MTR: variants seen among roughly 807,000 people sequenced by gnomAD.
The protein encoded by MTR is methionine synthase.
MTR carries 84 observed loss-of-function variants against 154.8 expected under a neutral mutation model. The observed-to-expected ratio is 0.54, with a 90% CI of 0.45 to 0.65. MTR has a LOEUF of 0.65. Ranked by LOEUF, MTR falls within the 30% of genes least tolerant of loss-of-function variation. The pLI is 0.00. For missense variants in MTR, 1,275 were observed against 1,570.2 expected, an observed-to-expected ratio of 0.81 and a Z score of 3.18; for synonymous variants, 554 against 553.9, an observed-to-expected ratio of 1.00 and a Z score of 0.00.
intron 22 of MTR, among the ~76,000 whole-genome samples, chr1:236,866,645 T>C (rs1372708582): frequency 6.6e-6 from 1 of 152,190 alleles, no homozygotes; most frequent in Non-Finnish European, 1.5e-5. Flanking sequence ...TTGCACCAAA[T>C]AGCACAGTTT....
intron 15 of MTR, among the ~76,000 whole-genome samples, chr1:236,841,722 AT>A (rs1663248292): frequency 6.6e-6 from 1 of 151,604 alleles, no homozygotes; most frequent in Non-Finnish European, 1.5e-5. Context: ...GGCAGTAAAT[AT>A]TTTTGAAACC....
At chr1:236,878,524 G>A (rs1665556081) in intron 24 of MTR, among the ~76,000 whole-genome samples, 1 of 151,936 alleles carries the variant, frequency 6.6e-6, no homozygotes, top group African/African-American at 2.4e-5. Flanking sequence ...GTGCAGGAGT[G>A]TCCAGTCTTT....
At chr1:236,811,289 G>A (rs1477174332) in intron 5 of MTR, among the ~76,000 whole-genome samples, 4 of 152,040 alleles carry the variant, frequency 2.6e-5, no homozygotes, top group South Asian at 2.1e-4. Flanking sequence ...CACAACACGC[G>A]GGAATTCAAG....
chr1:236,800,398 C>G, intron 1 of MTR: 10 of 985,402 alleles, frequency 1.0e-5, no homozygotes, highest in Non-Finnish European at 1.2e-5. Flanking sequence ...CAGTCACCCA[C>G]TTAAGTTCAC....
At chr1:236,876,735 C>T (rs1464280770) in intron 24 of MTR, among the ~76,000 whole-genome samples, 4 of 151,738 alleles carry the variant, frequency 2.6e-5, no homozygotes, top group Non-Finnish European at 5.9e-5. Context: ...TGAGAAGCAA[C>T]GTGACTAGCC....
At chr1:236,807,397 T>C (rs867956180) in intron 3 of MTR, among the ~76,000 whole-genome samples, 19 of 152,098 alleles carry the variant, frequency 1.2e-4, no homozygotes, top group African/African-American at 3.9e-4. Flanking sequence ...TGGTCTCCAA[T>C]TCCTGAGCTT....
chr1:236,835,416 G>A (rs1175427273), intron 13 of MTR, 131 bp from the exon 14 acceptor site: 8 of 1,071,592 alleles, frequency 7.5e-6, no homozygotes, highest in African/African-American at 3.1e-5. Context: ...CAGCAGGCCC[G>A]GAGTCAGGGA....
chr1:236,884,175 C>T (rs971132372), intron 25 of MTR, among the ~76,000 whole-genome samples: 7 of 152,174 alleles, frequency 4.6e-5, no homozygotes, highest in African/African-American at 1.7e-4. Flanking sequence ...TGAAGATTAG[C>T]CTCATTCCCT....
At chr1:236,873,871 C>T (rs1461241213) in intron 23 of MTR, 31 bp downstream of exon 23, 3 of 1,592,744 alleles carry the variant, frequency 1.9e-6, no homozygotes, top group South Asian at 2.2e-5. Flanking sequence ...GGGCATTTCT[C>T]TAAATGTCAT....
intron 30 of MTR, 143 bp downstream of exon 30, chr1:236,894,700 C>A: frequency 1.4e-6 from 1 of 740,716 alleles, no homozygotes; most frequent in Non-Finnish European, 2.2e-6. Context: ...CTGGCTTTAA[C>A]ATTATACGTA....
At position 236,903,908 on chromosome 1, in the gene MTR, A is replaced by G. The variant is rs1195338414; in HGVS notation, c.*6264A>G. On this transcript the variant is annotated 3_prime_UTR_variant, in exon 33 of 33. Transcript: ENST00000366577. ...AAGAAAATGTATTTATTTTGTGCAT[A>G]TTTTCAATAAAATATATAAAATCGA... 6.6e-6 allele frequency: 1 copy of G among 152,190 alleles called. No homozygotes were observed. Among genetic ancestry groups the G allele is most frequent in the Non-Finnish European group, 1.5e-5 (1 of 68,020 alleles). The allele number at this position is 152,190 out of a possible 1,614,324, so 9.4% of individuals were successfully genotyped here.
At chr1:236,880,679 TA>T in intron 24 of MTR, 75 bp from the exon 25 acceptor site, 1 of 1,165,452 alleles carries the variant, frequency 8.6e-7, no homozygotes, top group Non-Finnish European at 1.3e-6. Context: ...ACATTATCTC[TA>T]ATGGCGCTGA....
rs1427661179 is a variant in MTR, at chr1:236,898,678, G to C, written c.*1034G>C. Reference sequence around the variant, plus strand: ...TCTGCCCACCTCAGCCTCCCAAAATGCTGGGATTACAGGCGTGAGCCACCG... The same window carrying C: ...TCTGCCCACCTCAGCCTCCCAAAATCCTGGGATTACAGGCGTGAGCCACCG... On this transcript the variant is annotated 3_prime_UTR_variant, in exon 33 of 33. Transcript: ENST00000366577. 6.6e-6 allele frequency: 1 copy of C among 152,292 alleles called. No individual in the cohort carries two copies. Among genetic ancestry groups the C allele is most frequent in the Non-Finnish European group, 1.5e-5 (1 of 68,148 alleles). The allele number at this position is 152,292 out of a possible 1,614,324, so 9.4% of individuals were successfully genotyped here. A position where few individuals can be genotyped will look rare whatever the true frequency, so the allele number is the denominator to read the frequency against.
At chr1:236,878,826 A>G (rs1450495000) in intron 24 of MTR, among the ~76,000 whole-genome samples, 1 of 152,332 alleles carries the variant, frequency 6.6e-6, no homozygotes, top group Non-Finnish European at 1.5e-5. Context: ...CATGGAGTTC[A>G]TTAATCTGCC....
Position 236,898,404 on chromosome 1 carries a change from GTT to G in MTR, c.*772_*773del, listed in dbSNP as rs796166778. On this transcript the variant is annotated 3_prime_UTR_variant, in exon 33 of 33. Coordinates refer to ENST00000366577, the MANE Select transcript of MTR (RefSeq NM_000254.3). ...ATTTTTTTTGTTTTGTTTTGTTTTG[GTT>G]TTTTTTTTTTTGAGACAGAGTCTGG... The G allele has an allele frequency of 2.6e-4, 36 of 140,728 alleles. No homozygotes were observed. The highest frequency in any genetic ancestry group is 3.5e-4 in the Admixed American group (5 of 14,246). The allele number at this position is 140,728 out of a possible 1,614,324, so 8.7% of individuals were successfully genotyped here. A position where few individuals can be genotyped will look rare whatever the true frequency, so the allele number is the denominator to read the frequency against.
intron 1 of MTR, among the ~76,000 whole-genome samples, chr1:236,797,096 T>C (rs1660437562): frequency 6.6e-6 from 1 of 152,120 alleles, no homozygotes; most frequent in African/African-American, 2.4e-5. Flanking sequence ...AAGGCTGGCT[T>C]CTAGAGTTGA....
At chr1:236,818,696 A>G (rs547943773) in intron 8 of MTR, among the ~76,000 whole-genome samples, 2 of 152,330 alleles carry the variant, frequency 1.3e-5, no homozygotes, top group Admixed American at 1.3e-4. Context: ...TCTTACATAT[A>G]TGTAGGAAAC....
chr1:236,831,846 T>C, intron 12 of MTR, 120 bp from the exon 13 acceptor site: 1 of 742,636 alleles, frequency 1.3e-6, no homozygotes, highest in East Asian at 2.7e-5. Context: ...GGATCTCCTA[T>C]CTGCTCAGAT....
chr1:236,861,896 G>A (rs771188398), intron 20 of MTR, among the ~76,000 whole-genome samples: 4 of 152,174 alleles, frequency 2.6e-5, no homozygotes, highest in Non-Finnish European at 5.9e-5. Context: ...CTGGGAATGA[G>A]CTCATGGTGG....
Sources: allele counts gnomAD v4.1 joint callset (sites outside exome capture counted in the v4.1 genomes callset), GRCh38; gene constraint gnomAD v4.1.1; transcripts MANE v1.5; gene names NCBI Gene and HGNC (gene_info 2026-07-23, HGNC 2026-07-21).